C1orf198: variants seen among roughly 807,000 people sequenced by gnomAD.
C1orf198 encodes the protein chromosome 1 open reading frame 198, also known as uncharacterized protein C1orf198.
In C1orf198, 17 loss-of-function variants were observed where a neutral mutation model predicts 31.4. The observed-to-expected ratio is 0.54, with a 90% CI of 0.37 to 0.81. The LOEUF is 0.81. Ranked by LOEUF, C1orf198 falls within the 40% of genes least tolerant of loss-of-function variation. The pLI is 0.00. For missense variants in C1orf198, 401 were observed against 450.3 expected (o/e 0.89, Z 0.99); for synonymous variants, 175 against 193.8 (o/e 0.90, Z 0.81).
At chr1:230,864,345 T>C (rs906377610) in intron 1 of C1orf198, among the ~76,000 whole-genome samples, 4 of 152,164 alleles carry the variant, frequency 2.6e-5, no homozygotes, top group African/African-American at 9.6e-5. Context: ...TTGCTAAACA[T>C]AGGTACCCAT....
At chr1:230,852,879 C>G (rs1669779568) in intron 2 of C1orf198, among the ~76,000 whole-genome samples, 1 of 152,180 alleles carries the variant, frequency 6.6e-6, no homozygotes, top group African/African-American at 2.4e-5. Flanking sequence ...GAATCTGGCC[C>G]AGCTTGTGCC....
At chr1:230,855,963 G>A (rs959829353) in intron 1 of C1orf198, 25 of 1,301,584 alleles carry the variant, frequency 1.9e-5, no homozygotes, top group African/African-American at 3.0e-5. Context: ...AGGGAATGCC[G>A]GTGAGGCCCC....
rs34829788 is a variant in C1orf198 at position 230,847,194 on chromosome 1, G to A, written c.385-3298C>T. The stretch of plus-strand genomic sequence containing the variant: ...CTCAGGAGGCTGAGGCAGGAGAATC[G>A]CTTGAACTCAGGAGGCAGAGGTTGC... On this transcript the variant is annotated intron_variant, in intron 2 of 3. Coordinates refer to ENST00000366663, the MANE Select transcript of C1orf198 (RefSeq NM_032800.3). 4.0e-3 allele frequency among the ~76,000 whole-genome samples: 599 copies of A among 148,798 alleles called. 6 individuals are homozygous for A. The highest frequency in any genetic ancestry group is 6.6e-3 in the Non-Finnish European group (449 of 67,668).
At chr1:230,846,959 C>T (rs1239867430) in intron 2 of C1orf198, among the ~76,000 whole-genome samples, 1 of 151,568 alleles carries the variant, frequency 6.6e-6, no homozygotes, top group Admixed American at 6.6e-5. Flanking sequence ...AAAAATTAGC[C>T]GGGCGCGGTG....
intron 3 of C1orf198, among the ~76,000 whole-genome samples, chr1:230,842,090 G>A (rs1190864011): frequency 1.3e-5 from 2 of 152,186 alleles, no homozygotes; most frequent in African/African-American, 4.8e-5. Context: ...CAAATTCACA[G>A]ACACAGAAAG....
intron 2 of C1orf198, among the ~76,000 whole-genome samples, chr1:230,845,835 T>G (rs1238370142): frequency 6.6e-6 from 1 of 152,234 alleles, no homozygotes; most frequent in Non-Finnish European, 1.5e-5. Context: ...ACTACTGCTT[T>G]TTGTTATTTC....
intron 2 of C1orf198, among the ~76,000 whole-genome samples, chr1:230,851,367 G>T (rs992384491): frequency 6.6e-6 from 1 of 152,106 alleles, no homozygotes; most frequent in African/African-American, 2.4e-5. Context: ...CAAGGCTGGG[G>T]ATGGGGTCCC....
chr1:230,840,000 G>T, intron 3 of C1orf198, 92 bp from the exon 4 acceptor site: 1 of 1,119,458 alleles, frequency 8.9e-7, no homozygotes, highest in Non-Finnish European at 1.3e-6. Flanking sequence ...AAACGACCCA[G>T]ATAAAAGAGC....
At chr1:230,851,809 G>A (rs554292132) in intron 2 of C1orf198, among the ~76,000 whole-genome samples, 36 of 152,308 alleles carry the variant, frequency 2.4e-4, no homozygotes, top group African/African-American at 8.2e-4. Context: ...AGGCTGCAGC[G>A]AGCTCTCCTG....
At chr1:230,846,253 C>T (rs1439965463) in intron 2 of C1orf198, among the ~76,000 whole-genome samples, 2 of 152,200 alleles carry the variant, frequency 1.3e-5, no homozygotes, top group Non-Finnish European at 2.9e-5. Flanking sequence ...TCTAATGCCA[C>T]CAGATGTACA....
chr1:230,860,974 A>G (rs973100443), intron 1 of C1orf198, among the ~76,000 whole-genome samples: 5 of 152,244 alleles, frequency 3.3e-5, no homozygotes, highest in South Asian at 2.1e-4. Context: ...CCAATCTAAA[A>G]AGGCTACATA....
chr1:230,859,561 C>A (rs540132041), intron 1 of C1orf198, among the ~76,000 whole-genome samples: 9 of 152,186 alleles, frequency 5.9e-5, no homozygotes, highest in Admixed American at 6.5e-5. Flanking sequence ...CAGAAAGATG[C>A]CCCAGGTCAC....
chr1:230,845,914 G>A (rs911209758), intron 2 of C1orf198, among the ~76,000 whole-genome samples: 8 of 152,226 alleles, frequency 5.3e-5, no homozygotes, highest in African/African-American at 1.9e-4. Flanking sequence ...TTGGGGTATT[G>A]CTTTTTCACT....
Position 230,863,461 on chromosome 1 carries a change from G to A in C1orf198, c.333+4719C>T, listed in dbSNP as rs185839402. On this transcript the variant is annotated intron_variant, in intron 1 of 3. Transcript: ENST00000366663. ...GTACTATGGGAATCCCTTGCTTAGA[G>A]TGTAAAAGTGACTCTTATCAATTAA... Among the ~76,000 whole-genome samples, 31 of 152,362 alleles carry A rather than the reference G, an allele frequency of 2.0e-4. No individual in the cohort carries two copies. In the East Asian group the frequency reaches 5.4e-3, roughly 27 times the overall value.
intron 2 of C1orf198, among the ~76,000 whole-genome samples, chr1:230,846,972 G>C (rs1234339440): frequency 2.0e-5 from 3 of 151,542 alleles, no homozygotes; most frequent in African/African-American, 2.4e-5. Context: ...GCGCGGTGGC[G>C]GGCGCCTGTA....
At chr1:230,850,855 G>C (rs1014133058) in intron 2 of C1orf198, among the ~76,000 whole-genome samples, 2 of 152,048 alleles carry the variant, frequency 1.3e-5, no homozygotes, top group African/African-American at 4.8e-5. Context: ...CTATGTCCAG[G>C]AACATCCTGC....
chr1:230,842,196 C>G (rs900829929), intron 3 of C1orf198, among the ~76,000 whole-genome samples: 2 of 152,060 alleles, frequency 1.3e-5, no homozygotes, highest in African/African-American at 4.8e-5. Context: ...GAAAGGAGTT[C>G]TGGAGATGGA....
intron 1 of C1orf198, among the ~76,000 whole-genome samples, chr1:230,864,137 C>G (rs1239435578): frequency 6.6e-6 from 1 of 152,180 alleles, no homozygotes; most frequent in Non-Finnish European, 1.5e-5. Context: ...GCGATTGATT[C>G]TACCAGCTGT....
chr1:230,851,559 G>A (rs1000607280), intron 2 of C1orf198, among the ~76,000 whole-genome samples: 1 of 151,622 alleles, frequency 6.6e-6, no homozygotes, highest in African/African-American at 2.4e-5. Context: ...GCATGAGACA[G>A]GAATGCAACA....
Sources: allele counts gnomAD v4.1 joint callset (sites outside exome capture counted in the v4.1 genomes callset), GRCh38; gene constraint gnomAD v4.1.1; transcripts MANE v1.5; gene names NCBI Gene and HGNC (gene_info 2026-07-23, HGNC 2026-07-21).